The following HIVEP3 variants were observed in gnomAD, a reference collection of about 807,000 sequenced individuals.
HIVEP3 encodes the protein HIVEP zinc finger 3, also known as transcription factor HIVEP3.
A neutral mutation model predicts 152.8 loss-of-function variants in HIVEP3; 49 were observed. The ratio of observed to expected loss-of-function variants is 0.32; its 90% CI spans 0.26 to 0.41. The LOEUF (loss-of-function observed/expected upper bound fraction) is 0.41, where lower values mean the gene tolerates loss of function less well. HIVEP3 is among the 10% of genes least tolerant of loss of function. HIVEP3 has a pLI of 1.00. For synonymous variants in HIVEP3, 1,269 were observed against 1,289.0 expected (o/e 0.98, Z 0.33); for missense variants, 2,790 against 3,103.3 (o/e 0.90, Z 2.40).
chr1:41,510,790 A>G lies in HIVEP3; in HGVS notation c.6882T>C (p.His2294=), dbSNP rs375969863. Residue 2294 remains histidine, a synonymous_variant, in exon 9 of 9, where the codon CAT becomes CAC. Transcript: ENST00000372583. ...TGGGCTCTGCAGGTGCCCCGGTCCC[A>G]TGGGGTGTCCAGTCAGGAGGCCTGC... The part of the protein sequence containing the change: ...GPGRPPDWTP[H]GTGAPAEPTP... 15 of 1,610,202 alleles carry G rather than the reference A, an allele frequency of 9.3e-6. No individual in the cohort carries two copies. Among genetic ancestry groups the G allele is most frequent in the Middle Eastern group, 1.6e-4 (1 of 6,068 alleles).
chr1:41,903,926 G>A (rs1186423915), intron 1 of HIVEP3, among the ~76,000 whole-genome samples: 1 of 142,450 alleles, frequency 7.0e-6, no homozygotes. Flanking sequence ...TTTTGAGACA[G>A]TCTCTTTCTG....
At chr1:41,518,718 G>A (rs1642677794) in intron 6 of HIVEP3, among the ~76,000 whole-genome samples, 1 of 152,188 alleles carries the variant, frequency 6.6e-6, no homozygotes, top group Non-Finnish European at 1.5e-5. Context: ...TAGGTGGGGT[G>A]GGCGAGGGCT....
chr1:41,607,765 G>A (rs1000585758), intron 3 of HIVEP3, among the ~76,000 whole-genome samples: 3 of 152,220 alleles, frequency 2.0e-5, no homozygotes, highest in Non-Finnish European at 4.4e-5. Context: ...CTAACTGCAG[G>A]AGTGGCTTAG....
At position 41,526,441 on chromosome 1, in the gene HIVEP3, C is replaced by T. The variant is rs116582277; in HGVS notation, c.5208-1531G>A. ...ACCCTCACACTCACCCTCATACGCTCACCCTCACACACATGCTCACACCCC... is the reference window on the plus strand; with the variant it reads ...ACCCTCACACTCACCCTCATACGCTTACCCTCACACACATGCTCACACCCC... On this transcript the variant is annotated intron_variant, in intron 5 of 8. Coordinates refer to ENST00000372583, the MANE Select transcript of HIVEP3 (RefSeq NM_024503.5). Among the ~76,000 whole-genome samples the T allele has an allele frequency of 3.4e-3, 501 of 146,784 alleles. 4 individuals are homozygous for T. Among genetic ancestry groups the T allele is most frequent in the African/African-American group, 0.012 (472 of 39,222 alleles).
chr1:41,926,524 G>A (rs1356502787), intron 1 of HIVEP3, among the ~76,000 whole-genome samples: 1 of 152,086 alleles, frequency 6.6e-6, no homozygotes, highest in East Asian at 1.9e-4. Flanking sequence ...TAATGCAGTG[G>A]GGAGGCTATG....
rs529513444 is a variant in HIVEP3 at position 41,945,464 on chromosome 1, T to C, written n.120-26940A>G. 2.0e-5 allele frequency among the ~76,000 whole-genome samples: 3 copies of C among 152,312 alleles called. No homozygotes were observed. The South Asian group carries it at 6.2e-4, about 32-fold the overall frequency. On this transcript the variant is annotated intron_variant and non_coding_transcript_variant, in intron 1 of 3. Coordinates refer to the HIVEP3 transcript ENST00000489103. ...GTTAGGACAATCCTTTGATCTGACA[T>C]GGAGAGATATAATGTTACTGCTAAA... is the stretch of plus-strand genomic sequence containing the variant.
chr1:41,580,199 T>C lies in HIVEP3; in HGVS notation c.4599A>G (p.Glu1533=). 1 of 1,612,210 alleles carries C rather than the reference T, an allele frequency of 6.2e-7. No individual in the cohort carries two copies. Among genetic ancestry groups the C allele is most frequent in the Non-Finnish European group, 8.5e-7 (1 of 1,179,002 alleles). The change falls in exon 4 of 9, where the codon GAA becomes GAG. Residue 1533 remains glutamate (E), a synonymous_variant. Transcript: ENST00000372583. Reference sequence around the variant, plus strand: ...GAGGTTTGCCAGATGGCTGGGGATATTCCTTCAAAGCTTCTGAGCCTGGGG... The same window carrying C: ...GAGGTTTGCCAGATGGCTGGGGATACTCCTTCAAAGCTTCTGAGCCTGGGG... ...GTAPGSEALK[E]YPQPSGKPHR...
At chr1:41,573,981 A>G (rs1207370531) in intron 5 of HIVEP3, among the ~76,000 whole-genome samples, 3 of 152,174 alleles carry the variant, frequency 2.0e-5, no homozygotes, top group Non-Finnish European at 4.4e-5. Flanking sequence ...AGAGACATCC[A>G]GCAGGGAGCT....
chr1:41,528,515 A>C (rs1283733284), intron 5 of HIVEP3, among the ~76,000 whole-genome samples: 1 of 14,852 alleles, frequency 6.7e-5, no homozygotes, highest in African/African-American at 3.0e-4. Flanking sequence ...TCACACTCAC[A>C]CCCCTGCCCT....
At chr1:41,528,096 ACT>A (rs1213656958) in intron 5 of HIVEP3, among the ~76,000 whole-genome samples, 1 of 83,258 alleles carries the variant, frequency 1.2e-5, no homozygotes, top group Non-Finnish European at 2.3e-5. Context: ...ACACCTTCAC[ACT>A]CACACCCCAC....
intron 1 of HIVEP3, among the ~76,000 whole-genome samples, chr1:42,004,277 T>C (rs1019243311): frequency 6.6e-6 from 1 of 152,230 alleles, no homozygotes; most frequent in Non-Finnish European, 1.5e-5. Flanking sequence ...AGCCTTAATA[T>C]GTGGCAAAGA....
rs377429669 is a variant in HIVEP3 at position 41,584,740 on chromosome 1, G to A, written c.58C>T (p.Arg20Trp). The A allele has an allele frequency of 5.5e-5, 83 of 1,522,218 alleles. No homozygotes were observed. The highest frequency in any genetic ancestry group is 4.1e-4 in the East Asian group (18 of 44,124). The allele number at this position is 1,522,218 out of a possible 1,614,324, so 94.3% of individuals were successfully genotyped here. A position where few individuals can be genotyped will look rare whatever the true frequency, so the allele number is the denominator to read the frequency against. The change falls in exon 4 of 9, where the codon CGG becomes TGG. Residue 20 changes from arginine (R) to tryptophan (W), a missense_variant. This residue lies in a region of HIVEP3 where 209 missense variants were observed against 237.0 expected (regional missense o/e 0.88). Transcript: ENST00000372583. This position sits in a 1 kb window ranked among gnomAD's most constrained non-coding sequence, Gnocchi z 5.2. ...TGAATGGCCTCTCCTTTGGTCAGCC[G>A]CTTCCGGGGACTTCCCTCAGCCTTC... ...TKKAEGSPRK[R>W]LTKGEAIQTS...
rs142420757 is a variant in HIVEP3 at position 41,954,184 on chromosome 1, C to G, written n.120-35660G>C. ...CTCAAATTCCCCAGGACAGATGCAG[C>G]GCTGGATGTGTGGAATATTTAAAGG... On this transcript the variant is annotated intron_variant and non_coding_transcript_variant, in intron 1 of 3. Coordinates refer to the HIVEP3 transcript ENST00000489103. 1.7e-3 allele frequency among the ~76,000 whole-genome samples: 262 copies of G among 152,298 alleles called. 1 individual carries two copies. The highest frequency in any genetic ancestry group is 0.014 in the Admixed American group (207 of 15,302).
intron 3 of HIVEP3, among the ~76,000 whole-genome samples, chr1:41,622,635 C>A (rs957642418): frequency 2.6e-5 from 4 of 152,234 alleles, no homozygotes; most frequent in Non-Finnish European, 2.9e-5. Context: ...ACTATCTGGC[C>A]ATTCAGAGCA....
chr1:41,958,493 G>C (rs1398044802), intron 1 of HIVEP3, among the ~76,000 whole-genome samples: 1 of 152,154 alleles, frequency 6.6e-6, no homozygotes, highest in Non-Finnish European at 1.5e-5. Context: ...AGAAGGCCCA[G>C]CAACAATCCT....
intron 1 of HIVEP3, chr1:41,865,658 C>G (rs770270658): frequency 5.9e-5 from 9 of 152,160 alleles, no homozygotes; most frequent in Non-Finnish European, 1.2e-4. Context: ...AAGAAATGAC[C>G]AGGGAACTCT....
At chr1:41,578,454 G>A (rs1374522961) in intron 4 of HIVEP3, among the ~76,000 whole-genome samples, 4 of 152,206 alleles carry the variant, frequency 2.6e-5, no homozygotes, top group Non-Finnish European at 5.9e-5. Context: ...AGAACATCCA[G>A]TCAAGCTAAG....
chr1:41,562,513 C>T (rs1322751592), intron 5 of HIVEP3, among the ~76,000 whole-genome samples: 1 of 151,030 alleles, frequency 6.6e-6, no homozygotes, highest in Non-Finnish European at 1.5e-5. Context: ...TCCTCTCTTT[C>T]TCCTTCCTCC....
intron 5 of HIVEP3, among the ~76,000 whole-genome samples, chr1:41,540,886 G>A: frequency 6.6e-6 from 1 of 152,116 alleles, no homozygotes; most frequent in Non-Finnish European, 1.5e-5. Context: ...GATTCTAATG[G>A]TAGGAGCTGG....
Sources: allele counts gnomAD v4.1 joint callset (sites outside exome capture counted in the v4.1 genomes callset), GRCh38; gene constraint gnomAD v4.1.1; regional missense constraint gnomAD v4.1.1; non-coding constraint Gnocchi (gnomAD v3.1); transcripts MANE v1.5; gene names NCBI Gene and HGNC (gene_info 2026-07-23, HGNC 2026-07-21).